Variants in CNTN3 observed in about 807,000 individuals in gnomAD.
CNTN3 encodes the protein contactin 3.
Under a neutral mutation model 119.1 loss-of-function variants are expected in CNTN3, and 60 were observed. The ratio of observed to expected loss-of-function variants is 0.50; its 90% CI spans 0.41 to 0.62. CNTN3 has a LOEUF of 0.62. CNTN3 is among the 20% of genes least tolerant of loss of function. The pLI is 0.00. For synonymous variants in CNTN3, 450 were observed against 438.7 expected (o/e 1.03, Z -0.32); for missense variants, 1,101 against 1,242.4 (o/e 0.89, Z 1.71).
At chr3:74,514,144 T>C (rs1044378055) in intron 2 of CNTN3, among the ~76,000 whole-genome samples, 2 of 152,130 alleles carry the variant, frequency 1.3e-5, no homozygotes, top group African/African-American at 4.8e-5. Flanking sequence ...CTTAACCGTC[T>C]AACATGAAAT....
At chr3:74,396,443 T>C (rs945316405) in intron 5 of CNTN3, among the ~76,000 whole-genome samples, 1 of 152,182 alleles carries the variant, frequency 6.6e-6, no homozygotes, top group Non-Finnish European at 1.5e-5. Context: ...AGCCAAAGCC[T>C]AATCCAGAAC....
intron 13 of CNTN3, among the ~76,000 whole-genome samples, chr3:74,322,169 CAAAAA>C (rs35201394): frequency 2.1e-5 from 2 of 94,176 alleles, no homozygotes; most frequent in African/African-American, 3.8e-5. Context: ...CTGGGTGACT[CAAAAA>C]AAAAAAAAAA....
chr3:74,349,247 G>C (rs1390757391), intron 11 of CNTN3, among the ~76,000 whole-genome samples: 1 of 152,156 alleles, frequency 6.6e-6, no homozygotes, highest in Non-Finnish European at 1.5e-5. Context: ...TGAAGGCTTT[G>C]CAAGAATACA....
At chr3:74,285,162 T>G (rs562218604) in intron 20 of CNTN3, 143 bp downstream of exon 20, 1 of 858,888 alleles carries the variant, frequency 1.2e-6, no homozygotes, top group African/African-American at 1.7e-5. Context: ...TGGAGTTGGG[T>G]TTTGGAGTTA....
chr3:74,346,368 T>G (rs955817618), intron 11 of CNTN3, among the ~76,000 whole-genome samples: 2 of 152,122 alleles, frequency 1.3e-5, no homozygotes, highest in Middle Eastern at 3.4e-3. Context: ...CAGGATAGAT[T>G]TTTATATATT....
At chr3:74,579,502 A>G (rs1704469981) in intron 1 of CNTN3, among the ~76,000 whole-genome samples, 1 of 152,114 alleles carries the variant, frequency 6.6e-6, no homozygotes, top group South Asian at 2.1e-4. Flanking sequence ...AACATTCACC[A>G]AGACAGATCA....
chr3:74,556,938 C>T (rs1009534342), intron 1 of CNTN3, among the ~76,000 whole-genome samples: 1 of 152,160 alleles, frequency 6.6e-6, no homozygotes, highest in Non-Finnish European at 1.5e-5. Context: ...TGTATATCTT[C>T]CTTGGAGAAA....
At chr3:74,286,398 T>C (rs538836769) in intron 19 of CNTN3, among the ~76,000 whole-genome samples, 3 of 151,782 alleles carry the variant, frequency 2.0e-5, no homozygotes, top group African/African-American at 7.3e-5. Context: ...ACAGAAGATT[T>C]AAAAAAAATC....
At chr3:74,450,697 G>GT (rs1702135803) in intron 4 of CNTN3, among the ~76,000 whole-genome samples, 2 of 124,234 alleles carry the variant, frequency 1.6e-5, no homozygotes, top group East Asian at 4.7e-4. Context: ...AGAGTGTGAT[G>GT]TTCCCCTTCC....
chr3:74,536,307 C>T (rs904320289), intron 1 of CNTN3, among the ~76,000 whole-genome samples: 3 of 152,020 alleles, frequency 2.0e-5, no homozygotes, highest in African/African-American at 7.2e-5. Flanking sequence ...TACCTCAGTA[C>T]CATACAGATA....
chr3:74,468,528 T>C (rs552368447), intron 4 of CNTN3, among the ~76,000 whole-genome samples: 1 of 152,302 alleles, frequency 6.6e-6, no homozygotes, highest in African/African-American at 2.4e-5. Flanking sequence ...TTGATAGAGA[T>C]GACCCCATTC....
intron 11 of CNTN3, among the ~76,000 whole-genome samples, chr3:74,358,214 T>G (rs1458868991): frequency 6.6e-6 from 1 of 152,184 alleles, no homozygotes; most frequent in African/African-American, 2.4e-5. Flanking sequence ...ACCATGGACC[T>G]CTCTTAAATA....
chr3:74,572,500 T>C (rs1704350359), intron 1 of CNTN3, among the ~76,000 whole-genome samples: 1 of 151,748 alleles, frequency 6.6e-6, no homozygotes, highest in African/African-American at 2.4e-5. Context: ...TAACAAAATA[T>C]AATGTTAAAA....
Position 74,614,591 on chromosome 3 carries a change from C to T in CNTN3, c.-281G>A, listed in dbSNP as rs1411115708. On this transcript the variant is annotated 5_prime_UTR_variant, in exon 1 of 23. Coordinates refer to ENST00000263665, the MANE Select transcript of CNTN3 (RefSeq NM_020872.3). ...GCCCAGTCCACGGCGCCAGCCCGCCCGCCGCTGCCACCGCCGCCGCCGCCA... is the reference window on the plus strand; with the variant it reads ...GCCCAGTCCACGGCGCCAGCCCGCCTGCCGCTGCCACCGCCGCCGCCGCCA... 4.0e-5 allele frequency among the ~76,000 whole-genome samples: 6 copies of T among 149,076 alleles called. No homozygotes were observed. Among genetic ancestry groups the T allele is most frequent in the Non-Finnish European group, 9.0e-5 (6 of 66,852 alleles).
chr3:74,263,239 A>C lies in CNTN3; in HGVS notation c.*1162T>G, dbSNP rs1701608506. On this transcript the variant is annotated 3_prime_UTR_variant, in exon 23 of 23. Transcript: ENST00000263665. ...ATTGAAAGACTGAGTCATACATATCAAAGTCAGCAGCATTGCCTTGGTTCT... is the reference window on the plus strand; with the variant it reads ...ATTGAAAGACTGAGTCATACATATCCAAGTCAGCAGCATTGCCTTGGTTCT... 6.6e-6 allele frequency: 1 copy of C among 152,168 alleles called. No individual in the cohort carries two copies. Among genetic ancestry groups the C allele is most frequent in the African/African-American group, 2.4e-5 (1 of 41,450 alleles). 9.4% of individuals were successfully genotyped at this position (152,168 alleles called of 1,614,324 possible).
chr3:74,609,895 A>G (rs73839614), intron 1 of CNTN3, among the ~76,000 whole-genome samples: 1 of 152,300 alleles, frequency 6.6e-6, no homozygotes, highest in African/African-American at 2.4e-5. Flanking sequence ...GTTCCAAGTT[A>G]TACTAAGCAT....
At chr3:74,388,021 G>C (rs1704797505) in intron 5 of CNTN3, among the ~76,000 whole-genome samples, 1 of 152,176 alleles carries the variant, frequency 6.6e-6, no homozygotes, top group Non-Finnish European at 1.5e-5. Flanking sequence ...AATGTTTAAA[G>C]GTGGATGGTG....
intron 1 of CNTN3, among the ~76,000 whole-genome samples, chr3:74,523,619 A>T (rs1186493021): frequency 6.6e-6 from 1 of 151,882 alleles, no homozygotes; most frequent in African/African-American, 2.4e-5. Context: ...TAACAGACTT[A>T]AAAAGAATAG....
At position 74,499,711 on chromosome 3, in the gene CNTN3, T is replaced by C. The variant is rs372369990; in HGVS notation, c.130A>G (p.Lys44Glu). The change falls in exon 3 of 23, where the codon AAA (lysine) becomes GAA (glutamate). Residue 44 changes from lysine (K) to glutamate (E), a missense_variant. Transcript: ENST00000263665. ...GCTTCACAATGCAAAGTTATTTTTT[T>C]ATCTTCTGAACCAACAGGGAAAATG... ...NSIFPVGSEDKKITLHCEARG... is the reference protein window; with the variant it reads ...NSIFPVGSEDEKITLHCEARG... 1.9e-6 allele frequency: 3 copies of C among 1,611,834 alleles called. No homozygotes were observed. Among genetic ancestry groups the C allele is most frequent in the African/African-American group, 1.3e-5 (1 of 74,786 alleles).
Sources: allele counts gnomAD v4.1 joint callset (sites outside exome capture counted in the v4.1 genomes callset), GRCh38; gene constraint gnomAD v4.1.1; transcripts MANE v1.5; gene names NCBI Gene and HGNC (gene_info 2026-07-23, HGNC 2026-07-21).